Variants in ATP13A4 observed in about 807,000 individuals in gnomAD.
The protein encoded by ATP13A4 is ATPase 13A4, also known as probable cation-transporting ATPase 13A4.
In ATP13A4, 114 loss-of-function variants were observed where a neutral mutation model predicts 142.5. The ratio of observed to expected loss-of-function variants is 0.80; its 90% CI spans 0.69 to 0.93. The LOEUF is 0.93. Ranked by LOEUF, ATP13A4 falls within the 40% of genes least tolerant of loss-of-function variation. ATP13A4 has a pLI of 0.00. For synonymous variants in ATP13A4, 488 were observed against 514.8 expected, an observed-to-expected ratio of 0.95 and a Z score of 0.70; for missense variants, 1,392 against 1,454.0, an observed-to-expected ratio of 0.96 and a Z score of 0.69.
chr3:193,429,923 G>A (rs1375665809), intron 25 of ATP13A4, among the ~76,000 whole-genome samples: 1 of 151,986 alleles, frequency 6.6e-6, no homozygotes, highest in Non-Finnish European at 1.5e-5. Flanking sequence ...TGGATAGTAA[G>A]ATAAAAATAG....
chr3:193,454,029 T>C (rs1430108799), intron 17 of ATP13A4, 72 bp downstream of exon 17: 6 of 1,314,114 alleles, frequency 4.6e-6, no homozygotes, highest in East Asian at 4.6e-5. Context: ...CCCAGTCTAA[T>C]GCACTTGACA....
intron 23 of ATP13A4, among the ~76,000 whole-genome samples, chr3:193,437,043 G>A (rs1329747953): frequency 2.2e-5 from 3 of 138,050 alleles, no homozygotes; most frequent in African/African-American, 9.8e-5. Context: ...GGCGGAGCTT[G>A]CAGTGAGCCG....
chr3:193,489,961 T>C, intron 6 of ATP13A4, 97 bp from the exon 7 acceptor site: 1 of 1,300,714 alleles, frequency 7.7e-7, no homozygotes, highest in Non-Finnish European at 1.1e-6. Context: ...ATGACATACA[T>C]CATCCCACAC....
At chr3:193,431,415 T>C (rs571287936) in intron 25 of ATP13A4, among the ~76,000 whole-genome samples, 1 of 152,186 alleles carries the variant, frequency 6.6e-6, no homozygotes, top group South Asian at 2.1e-4. Flanking sequence ...AAATTTGGGA[T>C]TCATCAGCAG....
At position 193,438,537 on chromosome 3, in the gene ATP13A4, T is replaced by A. The variant is rs1716436882; in HGVS notation, c.2610A>T (p.Ala870=). ...TGGAAGTGAAAGGTGAGGCCACAGA[T>A]GCCTCCTGCTCTGATAATGAGATGC... The part of the protein sequence containing the change: ...HVGISLSEQE[A]SVASPFTSKT... The change falls in exon 23 of 30, where the codon GCA becomes GCT. Residue 870 remains alanine (A), a synonymous_variant. Transcript: ENST00000342695. 1 of 1,614,192 alleles carries A rather than the reference T, an allele frequency of 6.2e-7. No homozygotes were observed. Among genetic ancestry groups the A allele is most frequent in the Non-Finnish European group, 8.5e-7 (1 of 1,180,036 alleles).
At chr3:193,470,471 C>G (rs1358885725) in intron 9 of ATP13A4, among the ~76,000 whole-genome samples, 1 of 152,156 alleles carries the variant, frequency 6.6e-6, no homozygotes, top group South Asian at 2.1e-4. Context: ...TGATGATTTT[C>G]AAACCCTCCA....
At chr3:193,457,590 C>G in intron 14 of ATP13A4, 125 bp from the exon 15 acceptor site, 1 of 874,614 alleles carries the variant, frequency 1.1e-6, no homozygotes. Context: ...TGTCTCTTCC[C>G]TCAGAGGTGA....
Position 193,490,049 on chromosome 3 carries a change from T to G in ATP13A4, c.604-185A>C, listed in dbSNP as rs74944528. 6.8e-3 allele frequency among the ~76,000 whole-genome samples: 1,031 copies of G among 152,334 alleles called. 19 individuals carry two copies. The East Asian group carries it at 0.081, about 12-fold the overall frequency. On this transcript the variant is annotated intron_variant, in intron 6 of 29. Transcript: ENST00000342695. ...AGCAACTTTACTTGAATTTTCTCAT[T>G]GAATTCCCACAGTTACCTTATTAAC...
chr3:193,541,205 A>T (rs977789042), intron 1 of ATP13A4, among the ~76,000 whole-genome samples: 1 of 145,938 alleles, frequency 6.9e-6, no homozygotes, highest in Non-Finnish European at 1.5e-5. Context: ...GCCGAGATCG[A>T]GCCACTGCAC....
intron 17 of ATP13A4, among the ~76,000 whole-genome samples, chr3:193,449,794 C>T (rs1245701160): frequency 6.6e-6 from 1 of 152,090 alleles, no homozygotes; most frequent in African/African-American, 2.4e-5. Flanking sequence ...AGCCTTATAC[C>T]ACGTCCCCCA....
chr3:193,507,055 C>T (rs1720897302), intron 2 of ATP13A4, among the ~76,000 whole-genome samples: 2 of 152,166 alleles, frequency 1.3e-5, no homozygotes, highest in Non-Finnish European at 2.9e-5. Context: ...CAGGCCAATG[C>T]TGTGACCTCT....
chr3:193,564,918 A>G (rs915333667), intron 2 of ATP13A4, among the ~76,000 whole-genome samples: 2 of 152,210 alleles, frequency 1.3e-5, no homozygotes, highest in African/African-American at 4.8e-5. Flanking sequence ...TGAACTGCAC[A>G]TGAGAAGGAT....
chr3:193,425,000 AAAT>A (rs1156271842), intron 25 of ATP13A4, among the ~76,000 whole-genome samples: 1 of 149,284 alleles, frequency 6.7e-6, no homozygotes, highest in African/African-American at 2.5e-5. Context: ...TCAATAGCAA[AAAT>A]AATAATAAAA....
intron 1 of ATP13A4, 121 bp from the exon 2 acceptor site, chr3:193,514,992 G>A: frequency 4.7e-6 from 5 of 1,073,412 alleles, no homozygotes; most frequent in Non-Finnish European, 6.9e-6. Flanking sequence ...GGTGAGGAGA[G>A]GGCAGGGTGA....
chr3:193,482,659 T>C (rs1231623713), intron 8 of ATP13A4, among the ~76,000 whole-genome samples: 2 of 152,220 alleles, frequency 1.3e-5, no homozygotes, highest in African/African-American at 4.8e-5. Flanking sequence ...AGATGTTCAA[T>C]GCCATTAGTC....
intron 26 of ATP13A4, among the ~76,000 whole-genome samples, chr3:193,413,945 C>A (rs1311409769): frequency 5.3e-5 from 8 of 152,148 alleles, no homozygotes; most frequent in African/African-American, 1.9e-4. Context: ...TGTTCATACA[C>A]CCCCTCCCCT....
At chr3:193,414,949 A>G (rs974803104) in intron 25 of ATP13A4, among the ~76,000 whole-genome samples, 199 bp from the exon 26 acceptor site, 2 of 152,194 alleles carry the variant, frequency 1.3e-5, no homozygotes, top group Non-Finnish European at 2.9e-5. Flanking sequence ...CAAAGCCACA[A>G]GATGTCACTT....
At chr3:193,520,049 C>A (rs533962) in intron 1 of ATP13A4, among the ~76,000 whole-genome samples, 123,966 of 151,604 alleles carry the variant, frequency 0.82, 50,830 homozygotes, top group African/African-American at 0.89. Flanking sequence ...TTTTTCCTCC[C>A]ACGTTGTTTA....
At chr3:193,442,024 C>T (rs1328254870) in intron 19 of ATP13A4, among the ~76,000 whole-genome samples, 1 of 152,046 alleles carries the variant, frequency 6.6e-6, no homozygotes, top group African/African-American at 2.4e-5. Context: ...ACCCTGAAAA[C>T]ATAGTCTGAT....
Sources: allele counts gnomAD v4.1 joint callset (sites outside exome capture counted in the v4.1 genomes callset), GRCh38; gene constraint gnomAD v4.1.1; transcripts MANE v1.5; gene names NCBI Gene and HGNC (gene_info 2026-07-23, HGNC 2026-07-21).